Variants in UNC79 observed in about 807,000 individuals in gnomAD.
The protein encoded by UNC79 is protein unc-79 homolog.
Under a neutral mutation model 283.1 loss-of-function variants are expected in UNC79, and 37 were observed. That is an observed-to-expected ratio of 0.13 (90% CI 0.10 to 0.17). UNC79 has a LOEUF of 0.17. Ranked by LOEUF, UNC79 falls within the 10% of genes least tolerant of loss-of-function variation. The pLI is 1.00. For missense variants in UNC79, 2,272 were observed against 3,211.1 expected (o/e 0.71, Z 7.07); for synonymous variants, 1,107 against 1,200.2 (o/e 0.92, Z 1.61).
intron 40 of UNC79, among the ~76,000 whole-genome samples, chr14:93,663,327 G>A (rs1478176096): frequency 6.6e-6 from 1 of 152,226 alleles, no homozygotes; most frequent in Non-Finnish European, 1.5e-5. Context: ...AGCCTTGTTG[G>A]AGCTGGTAGA....
chr14:93,385,719 C>G (rs2054759202), intron 1 of UNC79, among the ~76,000 whole-genome samples: 1 of 149,708 alleles, frequency 6.7e-6, no homozygotes. Context: ...GTGGAGGTTG[C>G]AGTGAGCAGT....
intron 1 of UNC79, among the ~76,000 whole-genome samples, chr14:93,363,136 G>A (rs1338973633): frequency 6.6e-6 from 1 of 152,114 alleles, no homozygotes; most frequent in Non-Finnish European, 1.5e-5. Context: ...TGCTTTAGCT[G>A]TGTCCCAAAT....
intron 34 of UNC79, 67 bp downstream of exon 37, chr14:93,643,764 A>G (rs2069295017): frequency 1.3e-6 from 2 of 1,572,936 alleles, no homozygotes; most frequent in Non-Finnish European, 1.7e-6. Flanking sequence ...TGAACTAAAA[A>G]CTACCAGTTC....
chr14:93,600,415 A>G (rs947475580), intron 24 of UNC79, among the ~76,000 whole-genome samples, 154 bp from the exon 25 acceptor site: 1 of 152,322 alleles, frequency 6.6e-6, no homozygotes, highest in East Asian at 1.9e-4. Flanking sequence ...CTTCGAATCA[A>G]AAAAGATTCC....
intron 31 of UNC79, 144 bp downstream of exon 33, chr14:93,631,052 T>G (rs1391244656): frequency 2.6e-6 from 2 of 760,458 alleles, no homozygotes; most frequent in Non-Finnish European, 2.1e-6. Context: ...TGTTGTATAT[T>G]CTCAGAGACC....
chr14:93,479,464 A>G (rs1469807535), intron 4 of UNC79, among the ~76,000 whole-genome samples: 1 of 151,762 alleles, frequency 6.6e-6, no homozygotes, highest in Non-Finnish European at 1.5e-5. Context: ...CGCCCAGCTA[A>G]TTTTTGTATT....
chr14:93,375,749 G>A (rs139469178), intron 1 of UNC79, among the ~76,000 whole-genome samples: 2 of 152,198 alleles, frequency 1.3e-5, no homozygotes, highest in East Asian at 1.9e-4. Flanking sequence ...GCTCTATCAC[G>A]GGAACAGCAC....
At chr14:93,634,177 A>G (rs1198520680) in intron 31 of UNC79, among the ~76,000 whole-genome samples, 2 of 152,248 alleles carry the variant, frequency 1.3e-5, no homozygotes, top group East Asian at 3.8e-4. Context: ...AAGTTAAGCC[A>G]TACATTTAAA....
intron 47 of UNC79, among the ~76,000 whole-genome samples, chr14:93,694,796 T>A (rs978402222): frequency 6.6e-6 from 1 of 152,146 alleles, no homozygotes; most frequent in African/African-American, 2.4e-5. Context: ...ACTGAAAATA[T>A]TACTGGGGAA....
At chr14:93,667,568 T>G (rs1355434894) in intron 40 of UNC79, among the ~76,000 whole-genome samples, 1 of 152,106 alleles carries the variant, frequency 6.6e-6, no homozygotes. Context: ...AAACCTACCC[T>G]CAAAAACTAT....
chr14:93,468,166 G>C (rs533258993), intron 2 of UNC79, among the ~76,000 whole-genome samples: 7 of 152,234 alleles, frequency 4.6e-5, no homozygotes, highest in African/African-American at 1.7e-4. Flanking sequence ...GGCATTTTAG[G>C]TTCATCATTA....
chr14:93,617,768 G>T lies in UNC79; in HGVS notation c.4225-424G>T, dbSNP rs547551626. 1.3e-5 allele frequency among the ~76,000 whole-genome samples: 2 copies of T among 152,130 alleles called. No homozygotes were observed. Among genetic ancestry groups the T allele is most frequent in the Non-Finnish European group, 2.9e-5 (2 of 68,036 alleles). On this transcript the variant is annotated intron_variant, in intron 28 of 48. Transcript: ENST00000555664. The surrounding 1 kb of genome is among the most constrained non-coding windows in gnomAD (Gnocchi z 4.5). ...TAAAAATAAGGCCATGGGGGAGGGC[G>T]TGGTGGCTCACTGCTGTAATCCCAG... is the stretch of plus-strand genomic sequence containing the variant.
chr14:93,523,687 G>A (rs1268121731), intron 7 of UNC79, among the ~76,000 whole-genome samples: 1 of 152,122 alleles, frequency 6.6e-6, no homozygotes, highest in African/African-American at 2.4e-5. Flanking sequence ...AGTTGTTGGA[G>A]GATCAAGTGA....
At chr14:93,358,752 T>G (rs2054161001) in intron 1 of UNC79, among the ~76,000 whole-genome samples, 1 of 152,134 alleles carries the variant, frequency 6.6e-6, no homozygotes, top group Admixed American at 6.5e-5. Context: ...CTTTCCACCT[T>G]TGTCTGAGGA....
rs2057696535 is a variant in UNC79 at position 93,474,603 on chromosome 14, G to A, written c.448+210G>A. Among the ~76,000 whole-genome samples, 1 of 152,134 alleles carries A rather than the reference G, an allele frequency of 6.6e-6. No individual in the cohort carries two copies. The highest frequency in any genetic ancestry group is 1.9e-4 in the East Asian group (1 of 5,192). The stretch of plus-strand genomic sequence containing the variant: ...TTGCCAGAGGGATGTTATCCAAGTG[G>A]AGTATTGGGGGAGAATGGGGCTGGA... On this transcript the variant is annotated intron_variant, in intron 3 of 48. Coordinates refer to ENST00000555664, the Ensembl canonical transcript of UNC79. This position sits in a 1 kb window ranked among gnomAD's most constrained non-coding sequence, Gnocchi z 4.1.
chr14:93,435,573 A>G (rs906584631), intron 1 of UNC79, among the ~76,000 whole-genome samples: 2 of 152,206 alleles, frequency 1.3e-5, no homozygotes, highest in Admixed American at 6.5e-5. Context: ...ACAGTCCTCT[A>G]TCTCTACCCA....
intron 22 of UNC79, among the ~76,000 whole-genome samples, chr14:93,587,473 C>T (rs2064303230): frequency 6.6e-6 from 1 of 152,112 alleles, no homozygotes; most frequent in Non-Finnish European, 1.5e-5. Flanking sequence ...GAGAATGAGT[C>T]AGTAAAAAAG....
chr14:93,668,234 C>T (rs367621863), intron 40 of UNC79, among the ~76,000 whole-genome samples: 16 of 152,132 alleles, frequency 1.1e-4, no homozygotes, highest in South Asian at 2.1e-4. Flanking sequence ...ATAGGTGATA[C>T]GATTACAAAT....
At chr14:93,675,646 G>A (rs999744415) in intron 41 of UNC79, among the ~76,000 whole-genome samples, 4 of 152,162 alleles carry the variant, frequency 2.6e-5, no homozygotes, top group African/African-American at 7.2e-5. Flanking sequence ...CCTGGTCTCC[G>A]TACTCCCTCT....
Sources: allele counts gnomAD v4.1 joint callset (sites outside exome capture counted in the v4.1 genomes callset), GRCh38; gene constraint gnomAD v4.1.1; non-coding constraint Gnocchi (gnomAD v3.1); transcripts MANE v1.5; gene names NCBI Gene and HGNC (gene_info 2026-07-23, HGNC 2026-07-21).